Variants in ADARB2 observed in about 807,000 individuals in gnomAD.
ADARB2 encodes the protein adenosine deaminase RNA specific B2 (inactive), also known as inactive double-stranded RNA-specific editase B2.
ADARB2 carries 25 observed loss-of-function variants against 62.2 expected under a neutral mutation model. The observed-to-expected ratio is 0.40, with a 90% CI of 0.29 to 0.56. ADARB2 has a LOEUF of 0.56. ADARB2 is among the 20% of genes least tolerant of loss of function. The pLI, the probability that ADARB2 is intolerant of heterozygous loss-of-function variation, is 0.43. For synonymous variants in ADARB2, 572 were observed against 500.8 expected, an observed-to-expected ratio of 1.14 and a Z score of -1.90; for missense variants, 1,071 against 1,077.4, an observed-to-expected ratio of 0.99 and a Z score of 0.08.
chr10:1,391,902 A>G (rs1293134482), intron 1 of ADARB2, among the ~76,000 whole-genome samples: 2 of 151,110 alleles, frequency 1.3e-5, no homozygotes, highest in African/African-American at 4.9e-5. Flanking sequence ...AGCCTCCTGA[A>G]TAGCTGGTGC....
chr10:1,512,190 A>G (rs1169718483), intron 1 of ADARB2, among the ~76,000 whole-genome samples: 1 of 152,082 alleles, frequency 6.6e-6, no homozygotes, highest in Non-Finnish European at 1.5e-5. Context: ...TCTACACTGG[A>G]TACCAACATA....
chr10:1,207,884 G>C (rs1205391855), intron 7 of ADARB2, among the ~76,000 whole-genome samples: 2 of 152,334 alleles, frequency 1.3e-5, no homozygotes, highest in Admixed American at 1.3e-4. Flanking sequence ...CACCTCTGCA[G>C]TTTTCCTCAT....
chr10:1,642,320 A>G (rs1352052180), intron 1 of ADARB2, among the ~76,000 whole-genome samples: 1 of 152,118 alleles, frequency 6.6e-6, no homozygotes, highest in Non-Finnish European at 1.5e-5. Context: ...AAATCCTTTA[A>G]CTTCAAATCT....
chr10:1,535,724 G>A (rs960978589), intron 1 of ADARB2: 3 of 167,118 alleles, frequency 1.8e-5, no homozygotes, highest in Non-Finnish European at 4.4e-5. Flanking sequence ...AACTCACCCT[G>A]TCCCGGGTGG....
intron 1 of ADARB2, among the ~76,000 whole-genome samples, chr10:1,598,730 G>A (rs180720249): frequency 8.6e-4 from 131 of 152,346 alleles, no homozygotes; most frequent in Admixed American, 1.4e-3. Flanking sequence ...GAAGGAGCTG[G>A]CTGTCTGGGG....
chr10:1,507,953 C>T (rs1289420194), intron 1 of ADARB2, among the ~76,000 whole-genome samples: 1 of 152,116 alleles, frequency 6.6e-6, no homozygotes, highest in Admixed American at 6.5e-5. Context: ...GTAACGTGGT[C>T]AGGGCTGTTC....
intron 1 of ADARB2, among the ~76,000 whole-genome samples, chr10:1,568,604 G>C (rs1832889352): frequency 1.3e-5 from 2 of 152,028 alleles, no homozygotes; most frequent in Admixed American, 1.3e-4. Flanking sequence ...GGAAAGGAGG[G>C]AGGGAGGGAG....
At chr10:1,612,078 G>T (rs7906197) in intron 1 of ADARB2, among the ~76,000 whole-genome samples, 108,304 of 151,812 alleles carry the variant, frequency 0.71, 38,888 homozygotes, top group African/African-American at 0.8. Context: ...GAGATTGGAG[G>T]GGATCTTTCC....
At chr10:1,551,410 A>G (rs1832620658) in intron 1 of ADARB2, among the ~76,000 whole-genome samples, 1 of 152,170 alleles carries the variant, frequency 6.6e-6, no homozygotes, top group South Asian at 2.1e-4. Context: ...CCACAGTGGT[A>G]AAGTCCTTCT....
chr10:1,603,436 T>G (rs572715572), intron 1 of ADARB2, among the ~76,000 whole-genome samples: 1 of 152,168 alleles, frequency 6.6e-6, no homozygotes. Context: ...TGGACAGAGA[T>G]GAGGATCACA....
chr10:1,530,262 C>T (rs1363998890), intron 1 of ADARB2, among the ~76,000 whole-genome samples: 2 of 152,264 alleles, frequency 1.3e-5, no homozygotes, highest in Admixed American at 6.5e-5. Context: ...GGGTCTCCCT[C>T]CTGGCACCCA....
chr10:1,394,819 C>T (rs369303546), intron 1 of ADARB2: 4 of 456,870 alleles, frequency 8.8e-6, no homozygotes, highest in African/African-American at 6.0e-5. Context: ...GCTTCCCCTC[C>T]CTGCTAAGGA....
chr10:1,575,377 G>T (rs1321039605), intron 1 of ADARB2, among the ~76,000 whole-genome samples: 1 of 152,206 alleles, frequency 6.6e-6, no homozygotes, highest in Non-Finnish European at 1.5e-5. Context: ...TTTTCTGGGA[G>T]GGAAATGCAT....
Position 1,666,007 on chromosome 10 carries a change from G to A in ADARB2, c.100+71044C>T, listed in dbSNP as rs186913602. Among the ~76,000 whole-genome samples, 1,347 of 138,822 alleles carry A rather than the reference G, an allele frequency of 9.7e-3. 32 individuals carry two copies. The highest frequency in any genetic ancestry group is 0.033 in the African/African-American group (1,271 of 38,216). 91.1% of individuals were successfully genotyped at this position (138,822 alleles called of 152,430 possible). A position where few individuals can be genotyped will look rare whatever the true frequency, so the allele number is the denominator to read the frequency against. On this transcript the variant is annotated intron_variant, in intron 1 of 9. Coordinates refer to ENST00000381312, the MANE Select transcript of ADARB2 (RefSeq NM_018702.4). ...ACAGAGTGGCCTGCAGGGAGCTGGG[G>A]CCCAGCCACAGTCCTGCCAGGTGGA...
At chr10:1,590,054 C>T (rs1304953295) in intron 1 of ADARB2, among the ~76,000 whole-genome samples, 1 of 152,204 alleles carries the variant, frequency 6.6e-6, no homozygotes, top group African/African-American at 2.4e-5. Flanking sequence ...AGTGTCCAGG[C>T]CCCTGTGGGC....
Position 1,528,952 on chromosome 10 carries a change from C to A in ADARB2, c.101-149792G>T, listed in dbSNP as rs117305383. Among the ~76,000 whole-genome samples, 173 of 152,276 alleles carry A rather than the reference C, an allele frequency of 1.1e-3. 2 individuals carry two copies. The highest frequency in any genetic ancestry group is 6.8e-3 in the Middle Eastern group (2 of 294). On this transcript the variant is annotated intron_variant, in intron 1 of 9. Transcript: ENST00000381312. The stretch of plus-strand genomic sequence containing the variant: ...TGTCCCTTCCTAGGTTCCCACGGTT[C>A]TCTCTTTCCCCACAATGTAGCTTTG...
chr10:1,193,963 G>T (rs1231945491), intron 8 of ADARB2, among the ~76,000 whole-genome samples: 2 of 152,090 alleles, frequency 1.3e-5, no homozygotes, highest in African/African-American at 4.8e-5. Context: ...GCATTTGGAT[G>T]CTTTTTGTTT....
chr10:1,633,680 G>A (rs1462532026), intron 1 of ADARB2, among the ~76,000 whole-genome samples: 1 of 151,404 alleles, frequency 6.6e-6, no homozygotes, highest in Non-Finnish European at 1.5e-5. Flanking sequence ...ACCCTGGCTA[G>A]TGCACACACT....
chr10:1,271,273 G>A (rs1405068368), intron 3 of ADARB2, among the ~76,000 whole-genome samples: 1 of 152,192 alleles, frequency 6.6e-6, no homozygotes, highest in Non-Finnish European at 1.5e-5. Context: ...ATCATATTGA[G>A]TGGCTTATGA....
Sources: allele counts gnomAD v4.1 joint callset (sites outside exome capture counted in the v4.1 genomes callset), GRCh38; gene constraint gnomAD v4.1.1; transcripts MANE v1.5; gene names NCBI Gene and HGNC (gene_info 2026-07-23, HGNC 2026-07-21).